The following VWA3B variants were observed in gnomAD, a reference collection of about 807,000 sequenced individuals.
The protein encoded by VWA3B is von Willebrand factor A domain containing 3B.
In VWA3B, 138 loss-of-function variants were observed where a neutral mutation model predicts 158.3. That is an observed-to-expected ratio of 0.87 (90% CI 0.76 to 1.00). The LOEUF (loss-of-function observed/expected upper bound fraction) is 1.00, where lower values mean the gene tolerates loss of function less well. Ranked by LOEUF, VWA3B falls within the 50% of genes least tolerant of loss-of-function variation. The pLI, the probability that VWA3B is intolerant of heterozygous loss-of-function variation, is 0.00. For synonymous variants in VWA3B, 596 were observed against 587.3 expected, an observed-to-expected ratio of 1.01 and a Z score of -0.21; for missense variants, 1,555 against 1,565.1, an observed-to-expected ratio of 0.99 and a Z score of 0.11.
chr2:98,182,563 A>G (rs1186948046), intron 9 of VWA3B, among the ~76,000 whole-genome samples: 2 of 152,212 alleles, frequency 1.3e-5, no homozygotes, highest in African/African-American at 4.8e-5. Context: ...CCCCCAGCAC[A>G]GTTTTCTGGT....
intron 2 of VWA3B, among the ~76,000 whole-genome samples, chr2:98,106,077 G>A (rs62154872): frequency 0.13 from 20,133 of 151,848 alleles, 2,059 homozygotes; most frequent in Non-Finnish European, 0.19. Flanking sequence ...CACCATGCCC[G>A]GCTAATTTTT....
chr2:98,100,761 G>T (rs534159292), intron 2 of VWA3B, among the ~76,000 whole-genome samples: 1 of 152,312 alleles, frequency 6.6e-6, no homozygotes, highest in African/African-American at 2.4e-5. Flanking sequence ...CTTTTGCCCA[G>T]ATAGTGGTAT....
At chr2:98,213,595 C>G (rs1201948532) in intron 13 of VWA3B, among the ~76,000 whole-genome samples, 2 of 151,950 alleles carry the variant, frequency 1.3e-5, no homozygotes, top group African/African-American at 2.4e-5. Flanking sequence ...GTCAGGATGA[C>G]TGATTCCTGG....
intron 22 of VWA3B, among the ~76,000 whole-genome samples, chr2:98,281,446 AC>A (rs1205752388): frequency 6.6e-6 from 1 of 152,216 alleles, no homozygotes; most frequent in Non-Finnish European, 1.5e-5. Context: ...AGCTGCTGTT[AC>A]GACAATTAGG....
chr2:98,173,387 T>TGAGAA (rs1315638641), intron 8 of VWA3B, among the ~76,000 whole-genome samples: 1 of 152,184 alleles, frequency 6.6e-6, no homozygotes, highest in East Asian at 1.9e-4. Context: ...AAGCAACAAG[T>TGAGAA]GAGAATGCCA....
chr2:98,248,826 T>C (rs1240662800), intron 19 of VWA3B, among the ~76,000 whole-genome samples: 4 of 10,922 alleles, frequency 3.7e-4, no homozygotes, highest in East Asian at 0.05. Context: ...TCTTTCTTTT[T>C]CTTTCTTTCT....
chr2:98,163,061 A>G, intron 8 of VWA3B, 85 bp downstream of exon 8: 1 of 1,570,690 alleles, frequency 6.4e-7, no homozygotes, highest in Non-Finnish European at 8.6e-7. Context: ...GTTCCTGACC[A>G]GAGAAGCTCC....
intron 7 of VWA3B, among the ~76,000 whole-genome samples, chr2:98,140,682 T>TC (rs1196669881): frequency 6.6e-6 from 1 of 152,134 alleles, no homozygotes; most frequent in African/African-American, 2.4e-5. Flanking sequence ...AGAGCGATGC[T>TC]CCCTTTTGGT....
At chr2:98,179,325 AAC>A (rs771198422) in intron 8 of VWA3B, 4 of 471,062 alleles carry the variant, frequency 8.5e-6, no homozygotes, top group South Asian at 4.6e-5. Flanking sequence ...CAGGTAACAT[AAC>A]ACAGTCTTCT....
the VWA3B span, among the ~76,000 whole-genome samples, chr2:98,325,289 C>T: frequency 6.6e-6 from 1 of 152,142 alleles, no homozygotes; most frequent in African/African-American, 2.4e-5. Context: ...TAAAAAACGA[C>T]ACATCACATA....
At chr2:98,287,301 G>A (rs2105937614) in intron 22 of VWA3B, among the ~76,000 whole-genome samples, 1 of 152,204 alleles carries the variant, frequency 6.6e-6, no homozygotes, top group Admixed American at 6.5e-5. Flanking sequence ...GGTACTTTGA[G>A]TTCTTATCTT....
chr2:98,092,626 G>C (rs908304968), intron 1 of VWA3B, among the ~76,000 whole-genome samples: 1 of 151,840 alleles, frequency 6.6e-6, no homozygotes, highest in Non-Finnish European at 1.5e-5. Flanking sequence ...CTGGGCAACA[G>C]AGCGAGACTC....
At chr2:98,098,131 T>C (rs902404907) in intron 2 of VWA3B, among the ~76,000 whole-genome samples, 6 of 152,160 alleles carry the variant, frequency 3.9e-5, no homozygotes, top group Admixed American at 2.0e-4. Context: ...ACTTGTTTTG[T>C]GACCTAACAT....
At chr2:98,247,836 G>A (rs2105787851) in intron 19 of VWA3B, among the ~76,000 whole-genome samples, 1 of 152,102 alleles carries the variant, frequency 6.6e-6, no homozygotes, top group East Asian at 1.9e-4. Context: ...CAGCTATTAT[G>A]ATTATGGTTT....
intron 16 of VWA3B, among the ~76,000 whole-genome samples, chr2:98,232,226 T>C (rs1328329532): frequency 6.6e-6 from 1 of 152,234 alleles, no homozygotes; most frequent in Non-Finnish European, 1.5e-5. Context: ...GGTTTTTCAG[T>C]AATTGGTCTA....
chr2:98,158,299 G>A (rs1678267221), intron 7 of VWA3B, among the ~76,000 whole-genome samples: 1 of 152,066 alleles, frequency 6.6e-6, no homozygotes, highest in Non-Finnish European at 1.5e-5. Flanking sequence ...CCATCCAGTT[G>A]GCAAAGTCAG....
chr2:98,160,032 A>G (rs964165504), intron 7 of VWA3B, among the ~76,000 whole-genome samples: 3 of 151,814 alleles, frequency 2.0e-5, no homozygotes, highest in African/African-American at 7.3e-5. Context: ...AAGATACATA[A>G]AGATACATAC....
intron 8 of VWA3B, among the ~76,000 whole-genome samples, chr2:98,169,360 G>C: frequency 6.6e-6 from 1 of 151,996 alleles, no homozygotes; most frequent in Middle Eastern, 3.2e-3. Context: ...ATGATAAATT[G>C]AAGATGTGTA....
chr2:98,204,676 G>C (rs1682862960), intron 12 of VWA3B, among the ~76,000 whole-genome samples: 1 of 152,214 alleles, frequency 6.6e-6, no homozygotes, highest in Non-Finnish European at 1.5e-5. Flanking sequence ...GGCTTTTTGT[G>C]TGTGTGCTGT....
Sources: gnomAD v4.1 joint callset for allele counts (sites outside exome capture counted in the v4.1 genomes callset) on GRCh38, gnomAD v4.1.1 for gene constraint, MANE v1.5 for transcripts, NCBI Gene and HGNC (gene_info 2026-07-23, HGNC 2026-07-21) for gene names.